Variants in CTIF observed in about 807,000 individuals in gnomAD.
The protein encoded by CTIF is CBP80/20-dependent translation initiation factor.
In CTIF, 21 loss-of-function variants were observed where a neutral mutation model predicts 66.0. The observed-to-expected ratio is 0.32, with a 90% CI of 0.23 to 0.46. The LOEUF is 0.46. Ranked by LOEUF, CTIF falls within the 20% of genes least tolerant of loss-of-function variation. The pLI, the probability that CTIF is intolerant of heterozygous loss-of-function variation, is 1.00. For synonymous variants in CTIF, 345 were observed against 326.4 expected (o/e 1.06, Z -0.62); for missense variants, 739 against 812.7 (o/e 0.91, Z 1.10).
At chr18:48,822,493 A>AC (rs987646221) in intron 10 of CTIF, among the ~76,000 whole-genome samples, 4 of 62,684 alleles carry the variant, frequency 6.4e-5, no homozygotes, top group African/African-American at 1.3e-4. Flanking sequence ...TCATCTCCCC[A>AC]CCCCCACCCC....
chr18:48,698,025 C>T (rs956090422), intron 6 of CTIF, among the ~76,000 whole-genome samples: 1 of 143,088 alleles, frequency 7.0e-6, no homozygotes, highest in Non-Finnish European at 1.5e-5. Context: ...TGACCAGAGC[C>T]AGGAACCATG....
chr18:48,807,556 G>T (rs1307521001), intron 9 of CTIF, among the ~76,000 whole-genome samples: 1 of 100,480 alleles, frequency 1.0e-5, no homozygotes, highest in African/African-American at 4.2e-5. Context: ...TATTGTAAAC[G>T]TTTCATAAAC....
intron 1 of CTIF, among the ~76,000 whole-genome samples, chr18:48,557,155 G>A (rs1004195361): frequency 1.3e-5 from 2 of 152,058 alleles, no homozygotes; most frequent in Non-Finnish European, 2.9e-5. Context: ...GTGGCCTGGG[G>A]GTAGGGACAG....
intron 10 of CTIF, among the ~76,000 whole-genome samples, chr18:48,856,456 A>C (rs1446322334): frequency 6.6e-6 from 1 of 152,270 alleles, no homozygotes; most frequent in Non-Finnish European, 1.5e-5. Flanking sequence ...AGCCTGGTAC[A>C]CGAAGGTTCA....
chr18:48,658,961 CT>C (rs2091292385), intron 3 of CTIF, among the ~76,000 whole-genome samples: 1 of 152,130 alleles, frequency 6.6e-6, no homozygotes, highest in Admixed American at 6.5e-5. Context: ...GCCTGGCCCC[CT>C]GGGCACTGCC....
At chr18:48,783,033 C>T (rs1911386209) in intron 9 of CTIF, among the ~76,000 whole-genome samples, 1 of 152,226 alleles carries the variant, frequency 6.6e-6, no homozygotes, top group Non-Finnish European at 1.5e-5. Context: ...CCTTCATCTC[C>T]AATTAACATT....
At chr18:48,640,730 C>A (rs1158564004) in intron 3 of CTIF, among the ~76,000 whole-genome samples, 1 of 152,218 alleles carries the variant, frequency 6.6e-6, no homozygotes. Flanking sequence ...CCATGCCCTG[C>A]ACCAGGGCCC....
intron 3 of CTIF, among the ~76,000 whole-genome samples, chr18:48,655,297 T>TAAAAAA (rs35564462): frequency 2.8e-5 from 3 of 106,244 alleles, no homozygotes; most frequent in African/African-American, 4.6e-5. Flanking sequence ...AGAGCAAGAC[T>TAAAAAA]AAAAAAAAAA....
intron 6 of CTIF, among the ~76,000 whole-genome samples, chr18:48,698,763 C>G (rs1345322919): frequency 6.6e-6 from 1 of 152,134 alleles, no homozygotes; most frequent in Non-Finnish European, 1.5e-5. Flanking sequence ...AGCATTATCC[C>G]CTTCCTATGG....
chr18:48,710,355 TG>T (rs2092210717), intron 6 of CTIF, among the ~76,000 whole-genome samples: 1 of 152,136 alleles, frequency 6.6e-6, no homozygotes, highest in Admixed American at 6.5e-5. Context: ...TCGCTGCAGG[TG>T]GGTGGGAGTC....
At chr18:48,789,119 C>G (rs2067738220) in intron 9 of CTIF, among the ~76,000 whole-genome samples, 2 of 152,184 alleles carry the variant, frequency 1.3e-5, no homozygotes. Context: ...TACAGTCACT[C>G]TAGGCCTCTG....
intron 1 of CTIF, among the ~76,000 whole-genome samples, chr18:48,541,509 A>G (rs1438241934): frequency 3.3e-5 from 5 of 152,216 alleles, no homozygotes; most frequent in African/African-American, 1.2e-4. Context: ...TCAGGAATCC[A>G]GGCTCCTAGC....
At chr18:48,622,910 T>A (rs2090522521) in intron 2 of CTIF, among the ~76,000 whole-genome samples, 1 of 152,160 alleles carries the variant, frequency 6.6e-6, no homozygotes, top group African/African-American at 2.4e-5. Context: ...CTCCAAAGGT[T>A]CCTCCAGCTG....
At chr18:48,827,280 C>T (rs1379214097) in intron 10 of CTIF, among the ~76,000 whole-genome samples, 2 of 152,188 alleles carry the variant, frequency 1.3e-5, no homozygotes, top group Non-Finnish European at 2.9e-5. Context: ...GTCTCCTGGA[C>T]ACATTGCTTG....
intron 9 of CTIF, among the ~76,000 whole-genome samples, chr18:48,763,333 G>A (rs566519892): frequency 8.5e-5 from 13 of 152,362 alleles, no homozygotes; most frequent in African/African-American, 2.6e-4. Flanking sequence ...ATCTCAGATC[G>A]GGTATTTCTT....
intron 9 of CTIF, among the ~76,000 whole-genome samples, chr18:48,798,385 G>A (rs1047760819): frequency 6.6e-6 from 1 of 152,160 alleles, no homozygotes; most frequent in Non-Finnish European, 1.5e-5. Flanking sequence ...TTCGGTTTGG[G>A]GTTCATCACA....
At chr18:48,561,401 G>A (rs2089161073) in intron 1 of CTIF, among the ~76,000 whole-genome samples, 1 of 152,178 alleles carries the variant, frequency 6.6e-6, no homozygotes, top group African/African-American at 2.4e-5. Flanking sequence ...ATATAGTGGA[G>A]CTTTATTTCT....
chr18:48,829,242 A>G (rs1444961583), intron 10 of CTIF, among the ~76,000 whole-genome samples: 1 of 152,206 alleles, frequency 6.6e-6, no homozygotes, highest in African/African-American at 2.4e-5. Context: ...GGTTAAAATC[A>G]CACAGTAGGA....
At chr18:48,683,705 G>A (rs1445341923) in intron 6 of CTIF, among the ~76,000 whole-genome samples, 1 of 152,180 alleles carries the variant, frequency 6.6e-6, no homozygotes, top group Non-Finnish European at 1.5e-5. Context: ...CTCAAGGAGT[G>A]TTTTCATTAC....
Sources: gnomAD v4.1 joint callset for allele counts (sites outside exome capture counted in the v4.1 genomes callset) on GRCh38, gnomAD v4.1.1 for gene constraint, MANE v1.5 for transcripts, NCBI Gene and HGNC (gene_info 2026-07-23, HGNC 2026-07-21) for gene names.